Variants in ADGRL2 observed in about 807,000 individuals in gnomAD.
ADGRL2 encodes adhesion G protein-coupled receptor L2.
In ADGRL2, 44 loss-of-function variants were observed where a neutral mutation model predicts 157.4. The ratio of observed to expected loss-of-function variants is 0.28; its 90% confidence interval spans 0.22 to 0.36. The LOEUF (loss-of-function observed/expected upper bound fraction) is 0.36. Ranked by LOEUF, ADGRL2 falls within the 10% of genes least tolerant of loss-of-function variation. The probability of loss-of-function intolerance (pLI) is 1.00; values close to 1 mark genes in which losing one functional copy is unlikely to be tolerated. For missense variants in ADGRL2, 1,510 were observed against 1,768.9 expected, an observed-to-expected ratio of 0.85 and a Z score of 2.63; for synonymous variants, 585 against 624.7, an observed-to-expected ratio of 0.94 and a Z score of 0.95.
intron 1 of ADGRL2, among the ~76,000 whole-genome samples, chr1:81,401,100 G>T (rs992424369): frequency 1.6e-4 from 25 of 152,104 alleles, no homozygotes; most frequent in Non-Finnish European, 3.1e-4. Context: ...GGCCACTCTG[G>T]GCAGCCAAGG....
At chr1:81,377,717 A>G (rs907622924) in intron 1 of ADGRL2, among the ~76,000 whole-genome samples, 4 of 152,144 alleles carry the variant, frequency 2.6e-5, no homozygotes, top group African/African-American at 7.2e-5. Flanking sequence ...TTGCTGGAGA[A>G]TTATTCTTCA....
chr1:81,332,461 C>T lies in ADGRL2; in HGVS notation c.-302+25952C>T, dbSNP rs549659011. ...TATGCCAATCAAGTTGTGTAAGTAC[C>T]TCATGGGGGCAAATTGATTTATATT... On this transcript the variant is annotated intron_variant, in intron 1 of 24. Transcript: ENST00000370721. Among the ~76,000 whole-genome samples, 5 of 152,128 alleles carry T rather than the reference C, an allele frequency of 3.3e-5. No homozygotes were observed. In the Middle Eastern group the frequency reaches 0.01, roughly 310 times the overall value.
intron 2 of ADGRL2, among the ~76,000 whole-genome samples, chr1:81,542,330 CT>C (rs1440455959): frequency 6.6e-6 from 1 of 152,180 alleles, no homozygotes; most frequent in Non-Finnish European, 1.5e-5. Context: ...CCCAGAGTGC[CT>C]TTTGCAGGAG....
intron 1 of ADGRL2, among the ~76,000 whole-genome samples, chr1:81,318,090 C>T (rs1358263346): frequency 9.2e-5 from 14 of 152,102 alleles, no homozygotes; most frequent in Admixed American, 9.2e-4. Flanking sequence ...ATACTCTCCA[C>T]CTTTAAAGAA....
chr1:81,520,199 C>A (rs886180580), intron 2 of ADGRL2, among the ~76,000 whole-genome samples: 1 of 152,078 alleles, frequency 6.6e-6, no homozygotes, highest in Non-Finnish European at 1.5e-5. Flanking sequence ...CCTGGTATTG[C>A]CTGCTGCCTT....
rs147196567 is a variant in ADGRL2 at position 81,977,552 on chromosome 1, T to C, written c.3022-2317T>C. Among the ~76,000 whole-genome samples, 347 of 151,860 alleles carry C rather than the reference T, an allele frequency of 2.3e-3. 1 individual carries two copies. Among genetic ancestry groups the C allele is most frequent in the African/African-American group, 8.0e-3 (330 of 41,462 alleles). ...TGAAAAATATTTCTTCTGAGTTCAC[T>C]TCTAAGATTTTATCATTTTCTACTC... On this transcript the variant is annotated intron_variant, in intron 17 of 23. Coordinates refer to ENST00000686636, the MANE Select transcript of ADGRL2 (RefSeq NM_001366006.2).
intron 1 of ADGRL2, among the ~76,000 whole-genome samples, chr1:81,374,098 C>T (rs754877255): frequency 2.6e-5 from 4 of 152,126 alleles, no homozygotes; most frequent in Non-Finnish European, 5.9e-5. Context: ...CACACAAACA[C>T]CCTTATGAAT....
At chr1:81,479,599 T>C (rs74982607) in intron 2 of ADGRL2, among the ~76,000 whole-genome samples, 2,537 of 152,276 alleles carry the variant, frequency 0.017, 70 homozygotes, top group East Asian at 0.13. Context: ...CCTTTTTATA[T>C]AGTATTCTCA....
intron 3 of ADGRL2, among the ~76,000 whole-genome samples, chr1:81,925,558 TA>T (rs79070762): frequency 0.28 from 40,412 of 143,094 alleles, 5,698 homozygotes; most frequent in Middle Eastern, 0.36. Flanking sequence ...CCCTCTTGAT[TA>T]AAAAAAAAAA....
chr1:81,477,839 T>G (rs2078304028), intron 2 of ADGRL2, among the ~76,000 whole-genome samples: 1 of 152,230 alleles, frequency 6.6e-6, no homozygotes, highest in Non-Finnish European at 1.5e-5. Flanking sequence ...TTGTGTTCTC[T>G]GTTTTGAAAA....
rs1251615300 is a variant in ADGRL2, at chr1:81,494,210, A to C, written c.-248+49121A>C. On this transcript the variant is annotated intron_variant, in intron 2 of 24. Coordinates refer to the ADGRL2 transcript ENST00000370721. ...AATCTTGCTGATTTTCACTCACTGA[A>C]GTGTAAGGCTTGCTTCAATCAATCA... 2.6e-5 allele frequency among the ~76,000 whole-genome samples: 4 copies of C among 152,152 alleles called. No individual in the cohort carries two copies. The East Asian group carries it at 5.8e-4, about 22-fold the overall frequency.
At chr1:81,386,845 C>T (rs1055927845) in intron 1 of ADGRL2, among the ~76,000 whole-genome samples, 1 of 151,976 alleles carries the variant, frequency 6.6e-6, no homozygotes, top group Non-Finnish European at 1.5e-5. Context: ...ATATGCTGTA[C>T]CATCACACAG....
Position 81,950,328 on chromosome 1 carries a change from A to C in ADGRL2, c.1350A>C (p.Pro450=), listed in dbSNP as rs772638051. Residue 450 remains proline (P), a synonymous_variant, in exon 7 of 24, where the codon CCA becomes CCC. Transcript: ENST00000686636. The part of the protein sequence containing the change: ...GSQEGSKGTK[P]PPAVSTTKIP... ...AGGAAGGAAGCAAAGGGACAAAACC[A>C]CCTCCAGCAGTTTCTACAACCAAAA... is the stretch of plus-strand genomic sequence containing the variant. 1 of 1,613,998 alleles carries C rather than the reference A, an allele frequency of 6.2e-7. No homozygotes were observed. Among genetic ancestry groups the C allele is most frequent in the Non-Finnish European group, 8.5e-7 (1 of 1,179,960 alleles).
At chr1:81,837,205 G>C (rs1435023472) in intron 2 of ADGRL2, 148 bp downstream of exon 2, 3 of 482,388 alleles carry the variant, frequency 6.2e-6, no homozygotes, top group Non-Finnish European at 1.1e-5. Flanking sequence ...TTTATTAGGT[G>C]GTTGAGTTCT....
intron 2 of ADGRL2, among the ~76,000 whole-genome samples, chr1:81,569,252 AT>A (rs911351101): frequency 3.9e-5 from 6 of 152,112 alleles, no homozygotes; most frequent in Non-Finnish European, 5.9e-5. Context: ...GACAGAGAGA[AT>A]TTTTTCCCCA....
chr1:81,451,513 C>T (rs960346277), intron 2 of ADGRL2, among the ~76,000 whole-genome samples: 1 of 152,076 alleles, frequency 6.6e-6, no homozygotes, highest in African/African-American at 2.4e-5. Context: ...CTATTTTCAC[C>T]ACATGTGGTT....
intron 2 of ADGRL2, among the ~76,000 whole-genome samples, chr1:81,872,702 T>G (rs1480055608): frequency 1.3e-5 from 2 of 152,208 alleles, no homozygotes; most frequent in East Asian, 3.9e-4. Flanking sequence ...TTAGATCATT[T>G]TTTCTAAAAA....
At chr1:81,378,438 G>A (rs1236308357) in intron 1 of ADGRL2, among the ~76,000 whole-genome samples, 1 of 151,900 alleles carries the variant, frequency 6.6e-6, no homozygotes, top group Non-Finnish European at 1.5e-5. Flanking sequence ...TTGTGTGCCT[G>A]TAGTCCCAGC....
At chr1:81,401,778 AG>A (rs2076760722) in intron 1 of ADGRL2, among the ~76,000 whole-genome samples, 1 of 152,142 alleles carries the variant, frequency 6.6e-6, no homozygotes, top group African/African-American at 2.4e-5. Context: ...ACTGTGCATT[AG>A]GGGGTTATCT....
Sources: allele counts gnomAD v4.1 joint callset (sites outside exome capture counted in the v4.1 genomes callset), GRCh38; gene constraint gnomAD v4.1.1; transcripts MANE v1.5; gene names NCBI Gene and HGNC (gene_info 2026-07-23, HGNC 2026-07-21).